The following RBFOX3 variants were observed in gnomAD, a reference collection of about 807,000 sequenced individuals.
RBFOX3 encodes RNA binding fox-1 homolog 3.
A neutral mutation model predicts 48.7 loss-of-function variants in RBFOX3; 17 were observed. The ratio of observed to expected loss-of-function variants is 0.35; its 90% CI spans 0.24 to 0.52. RBFOX3 has a LOEUF of 0.52. RBFOX3 is among the 20% of genes least tolerant of loss of function. The probability of loss-of-function intolerance (pLI) is 0.94; values close to 1 mark genes in which losing one functional copy is unlikely to be tolerated. For missense variants in RBFOX3, 382 were observed against 497.5 expected (o/e 0.77, Z 2.21); for synonymous variants, 212 against 209.5 (o/e 1.01, Z -0.10).
rs2061766839 is a variant in RBFOX3, at chr17:79,237,468, C to G, written c.-73-1663G>C. On this transcript the variant is annotated intron_variant, in intron 3 of 14. Transcript: ENST00000693108. ...GCGACTGTGGCCACAGTAACTGAGT[C>G]AGCTGGCCCGTCCCCCAGAGCAGGT... 2.6e-5 allele frequency among the ~76,000 whole-genome samples: 4 copies of G among 152,342 alleles called. No individual in the cohort carries two copies. In the South Asian group the frequency reaches 6.2e-4, roughly 24 times the overall value.
chr17:79,662,806 C>T, the RBFOX3 span, among the ~76,000 whole-genome samples: 3 of 152,172 alleles, frequency 2.0e-5, no homozygotes, highest in Middle Eastern at 3.4e-3. Flanking sequence ...ACGGCAGAAC[C>T]GTGGGGAAGG....
At chr17:79,251,856 C>A (rs1279909818) in intron 3 of RBFOX3, among the ~76,000 whole-genome samples, 3 of 152,244 alleles carry the variant, frequency 2.0e-5, no homozygotes, top group Non-Finnish European at 2.9e-5. Context: ...TCGGCTCCCC[C>A]ACCAGGGGTC....
intron 1 of RBFOX3, among the ~76,000 whole-genome samples, chr17:79,491,581 C>G (rs376212398): frequency 1.3e-5 from 2 of 151,956 alleles, no homozygotes; most frequent in African/African-American, 4.8e-5. Flanking sequence ...ATGAGGAAGA[C>G]GCAAGCCACC....
At chr17:79,617,558 C>G in the RBFOX3 span, among the ~76,000 whole-genome samples, 5 of 152,172 alleles carry the variant, frequency 3.3e-5, no homozygotes, top group Non-Finnish European at 7.3e-5. Flanking sequence ...CTAGAAACCT[C>G]GACTTCATCC....
intron 1 of RBFOX3, among the ~76,000 whole-genome samples, chr17:79,531,551 T>A (rs1439662411): frequency 6.6e-6 from 1 of 152,014 alleles, no homozygotes; most frequent in Non-Finnish European, 1.5e-5. Flanking sequence ...TGCCCTTACA[T>A]CCCAGCCCAC....
intron 1 of RBFOX3, among the ~76,000 whole-genome samples, chr17:79,595,733 T>C (rs1322344735): frequency 1.3e-5 from 2 of 152,172 alleles, no homozygotes; most frequent in Non-Finnish European, 2.9e-5. Context: ...AAAACCCTCC[T>C]AGAGGAAGAG....
chr17:79,324,428 ACT>A (rs146093502), intron 2 of RBFOX3, among the ~76,000 whole-genome samples: 212 of 152,200 alleles, frequency 1.4e-3, no homozygotes, highest in African/African-American at 5.0e-3. Context: ...TCCGAAGCAA[ACT>A]CTGTTTTCAA....
intron 2 of RBFOX3, among the ~76,000 whole-genome samples, chr17:79,355,389 C>G (rs906765084): frequency 2.6e-5 from 4 of 152,184 alleles, no homozygotes; most frequent in African/African-American, 9.7e-5. Flanking sequence ...AGCATTTCCT[C>G]TCTGCGTGGG....
At position 79,210,431 on chromosome 17, in the gene RBFOX3, G is replaced by A. The variant is rs573132568; in HGVS notation, c.-34+25335C>T. On this transcript the variant is annotated intron_variant, in intron 4 of 14. Coordinates refer to ENST00000693108, the MANE Select transcript of RBFOX3 (RefSeq NM_001350451.2). ...TACAGAGACGGCTTCCCTTGTACGG[G>A]GACTTCCTACCCATCAGGTCTCACG... Among the ~76,000 whole-genome samples the A allele has an allele frequency of 3.9e-5, 6 of 152,216 alleles. No individual in the cohort carries two copies. The East Asian group carries it at 1.2e-3, about 29-fold the overall frequency.
intron 2 of RBFOX3, among the ~76,000 whole-genome samples, chr17:79,332,564 CGTGG>C (rs2080490608): frequency 8.2e-6 from 1 of 121,786 alleles, no homozygotes; most frequent in Non-Finnish European, 1.8e-5. Flanking sequence ...AGTGTGGGGG[CGTGG>C]GGAGACAGAA....
intron 2 of RBFOX3, among the ~76,000 whole-genome samples, chr17:79,371,303 C>G (rs2058506667): frequency 6.6e-6 from 1 of 152,238 alleles, no homozygotes; most frequent in Admixed American, 6.5e-5. Context: ...ATCCGAAGGG[C>G]TGTGAATATC....
chr17:79,453,193 G>A (rs930878361), intron 2 of RBFOX3, among the ~76,000 whole-genome samples: 6 of 152,260 alleles, frequency 3.9e-5, no homozygotes, highest in Non-Finnish European at 5.9e-5. Context: ...TGCCGGAGCT[G>A]AAGAGTGCGT....
At chr17:79,321,776 G>T (rs1054965458) in intron 2 of RBFOX3, among the ~76,000 whole-genome samples, 1 of 146,114 alleles carries the variant, frequency 6.8e-6, no homozygotes, top group Admixed American at 7.1e-5. Flanking sequence ...CACAATTTTG[G>T]CTCACTGCAA....
At chr17:79,312,656 A>G (rs2077012901) in intron 2 of RBFOX3, among the ~76,000 whole-genome samples, 1 of 152,198 alleles carries the variant, frequency 6.6e-6, no homozygotes, top group Non-Finnish European at 1.5e-5. Context: ...TGTTCCAAGC[A>G]GTAAGAAAGA....
At chr17:79,619,397 G>A in the RBFOX3 span, among the ~76,000 whole-genome samples, 4 of 152,188 alleles carry the variant, frequency 2.6e-5, no homozygotes, top group Admixed American at 6.5e-5. Context: ...ACTCCCTCCC[G>A]TGCTTCCCTC....
chr17:79,250,594 G>A (rs554267939), intron 3 of RBFOX3, among the ~76,000 whole-genome samples: 1 of 152,158 alleles, frequency 6.6e-6, no homozygotes, highest in Non-Finnish European at 1.5e-5. Context: ...TGCCTCAACA[G>A]ATAAACACGC....
the RBFOX3 span, among the ~76,000 whole-genome samples, chr17:79,633,250 T>C: frequency 6.6e-6 from 1 of 152,246 alleles, no homozygotes; most frequent in Non-Finnish European, 1.5e-5. Flanking sequence ...GGCTCCTGCA[T>C]GGGCAAAGTG....
intron 3 of RBFOX3, among the ~76,000 whole-genome samples, chr17:79,297,020 C>T (rs527473578): frequency 9.8e-4 from 148 of 150,990 alleles, no homozygotes; most frequent in African/African-American, 3.5e-3. Flanking sequence ...TCCTGCCCCT[C>T]CTCTCCCCAG....
At chr17:79,562,362 T>C (rs1208654851) in intron 1 of RBFOX3, among the ~76,000 whole-genome samples, 8 of 152,178 alleles carry the variant, frequency 5.3e-5, no homozygotes, top group African/African-American at 1.9e-4. Context: ...ACTTGAGCCT[T>C]GTCTTTTTTT....
Sources: allele counts gnomAD v4.1 joint callset (sites outside exome capture counted in the v4.1 genomes callset), GRCh38; gene constraint gnomAD v4.1.1; transcripts MANE v1.5; gene names NCBI Gene and HGNC (gene_info 2026-07-23, HGNC 2026-07-21).